Variants in SLC35D2 observed in about 807,000 individuals in gnomAD.
SLC35D2 encodes nucleotide sugar transporter SLC35D2.
SLC35D2 carries 43 observed loss-of-function variants against 41.8 expected under a neutral mutation model. The observed-to-expected ratio is 1.03, with a 90% CI of 0.81 to 1.33. SLC35D2 has a LOEUF of 1.33. Ranked by LOEUF, SLC35D2 falls within the 40% of genes most tolerant of loss-of-function variation. The pLI, the probability that SLC35D2 is intolerant of heterozygous loss-of-function variation, is 0.00. For synonymous variants in SLC35D2, 150 were observed against 163.9 expected (o/e 0.92, Z 0.65); for missense variants, 380 against 408.4 (o/e 0.93, Z 0.60).
chr9:96,321,273 T>C lies in SLC35D2; in HGVS notation c.983A>G (p.Glu328Gly). 6.2e-7 allele frequency: 1 copy of C among 1,614,010 alleles called. No homozygotes were observed. The highest frequency in any genetic ancestry group is 8.5e-7 in the Non-Finnish European group (1 of 1,179,910). Reference protein sequence around the residue: ...SSQLKPKPVGEENICLDLKS With the variant: ...SSQLKPKPVGGENICLDLKS ...CTTCAAATCCAAACAGATGTTTTCT[T>C]CACCCACAGGTTTAGGTTTTAACTG... The change falls in exon 12 of 12, where the codon GAA (glutamate) becomes GGA (glycine). Residue 328 changes from glutamate to glycine, a missense_variant. Coordinates refer to ENST00000253270, the MANE Select transcript of SLC35D2 (RefSeq NM_007001.3).
At chr9:96,352,960 C>T (rs954645931) in intron 4 of SLC35D2, among the ~76,000 whole-genome samples, 7 of 152,036 alleles carry the variant, frequency 4.6e-5, no homozygotes. Flanking sequence ...ATTGCTTGAA[C>T]CCGTGAGGCG....
intron 8 of SLC35D2, 45 bp from the exon 9 acceptor site, chr9:96,336,829 G>T: frequency 1.8e-6 from 2 of 1,137,830 alleles, no homozygotes; most frequent in African/African-American, 1.6e-5. Context: ...TAATAATACT[G>T]CAGTTTAAAT....
At chr9:96,325,678 T>C (rs1321954033) in intron 9 of SLC35D2, among the ~76,000 whole-genome samples, 1 of 152,160 alleles carries the variant, frequency 6.6e-6, no homozygotes, top group East Asian at 1.9e-4. Context: ...TTTCAATTAA[T>C]TAATTAATTA....
At chr9:96,336,259 T>C (rs575535182) in intron 9 of SLC35D2, among the ~76,000 whole-genome samples, 3 of 152,044 alleles carry the variant, frequency 2.0e-5, no homozygotes, top group Non-Finnish European at 4.4e-5. Context: ...AACATATTAC[T>C]GCCAGGCCTG....
chr9:96,383,388 C>T (rs1587736360), intron 1 of SLC35D2, 89 bp downstream of exon 1: 1 of 1,078,922 alleles, frequency 9.3e-7, no homozygotes, highest in Admixed American at 3.1e-5. Flanking sequence ...CTGTCCCCAC[C>T]CGCCCTGTCC....
intron 1 of SLC35D2, among the ~76,000 whole-genome samples, chr9:96,371,068 A>G (rs1476691173): frequency 1.3e-5 from 2 of 152,190 alleles, no homozygotes; most frequent in Non-Finnish European, 2.9e-5. Context: ...GAAAACCACC[A>G]CTATACAGGG....
intron 4 of SLC35D2, among the ~76,000 whole-genome samples, chr9:96,356,917 C>T (rs1830050646): frequency 6.6e-6 from 1 of 151,984 alleles, no homozygotes; most frequent in Admixed American, 6.6e-5. Context: ...CGTGGTGGCT[C>T]ATGCCTGTAA....
At chr9:96,334,592 C>T (rs74503076) in intron 9 of SLC35D2, among the ~76,000 whole-genome samples, 20,140 of 152,002 alleles carry the variant, frequency 0.13, 1,798 homozygotes, top group East Asian at 0.28. Flanking sequence ...GAGCCAAGAT[C>T]GTGCCACTGG....
In SLC35D2 at chr9:96,329,109, T is replaced by C. The variant is rs190240043; in HGVS notation, c.753-4940A>G. ...ATCTCAAAAAAAAAAAAAAAAGACA[T>C]TATTTATGTCTTTTAAAGGACAGAA... is the stretch of plus-strand genomic sequence containing the variant. On this transcript the variant is annotated intron_variant, in intron 9 of 11. Transcript: ENST00000253270. Among the ~76,000 whole-genome samples, 490 of 151,502 alleles carry C rather than the reference T, an allele frequency of 3.2e-3. 1 individual carries two copies. The highest frequency in any genetic ancestry group is 5.3e-3 in the Non-Finnish European group (357 of 67,808).
chr9:96,352,994 C>T (rs1829870110), intron 4 of SLC35D2, among the ~76,000 whole-genome samples: 1 of 152,054 alleles, frequency 6.6e-6, no homozygotes, highest in South Asian at 2.1e-4. Context: ...GCCAGGATCG[C>T]ACCACTGCAA....
In SLC35D2 at chr9:96,383,652, A is replaced by AC. The variant is rs943006054; in HGVS notation, c.-19dup. On this transcript the variant is annotated 5_prime_UTR_variant, in exon 1 of 12. Transcript: ENST00000253270. ...GCCGTCATCTCCTGCGGCCCCGCGGACCCCGCCGCCCGCCAGCCCCGGCTG... is the reference window on the plus strand; with the variant it reads ...GCCGTCATCTCCTGCGGCCCCGCGGACCCCCGCCGCCCGCCAGCCCCGGCTG... 9.7e-7 allele frequency: 1 copy of AC among 1,025,986 alleles called. No individual in the cohort carries two copies. The highest frequency in any genetic ancestry group is 1.7e-5 in the African/African-American group (1 of 57,392). The allele number at this position is 1,025,986 out of a possible 1,614,324, so 63.6% of individuals were successfully genotyped here. A position where few individuals can be genotyped will look rare whatever the true frequency, so the allele number is the denominator to read the frequency against.
At chr9:96,348,151 G>T (rs1393038968) in intron 6 of SLC35D2, among the ~76,000 whole-genome samples, 1 of 152,122 alleles carries the variant, frequency 6.6e-6, no homozygotes, top group Non-Finnish European at 1.5e-5. Flanking sequence ...CCCTCTCTTG[G>T]GGTCTGGATC....
At chr9:96,326,508 A>C (rs1180513938) in intron 9 of SLC35D2, among the ~76,000 whole-genome samples, 1 of 152,168 alleles carries the variant, frequency 6.6e-6, no homozygotes, top group Non-Finnish European at 1.5e-5. Context: ...GGCTTAAGAA[A>C]AAATCTAAGT....
At chr9:96,313,801 GGT>G (rs902106710) in exon 12 of SLC35D2, among the ~76,000 whole-genome samples, 29 of 152,314 alleles carry the variant, frequency 1.9e-4, no homozygotes, top group African/African-American at 6.3e-4. Context: ...GGTAGCCTCT[GGT>G]CTTGTCAGAT....
At chr9:96,334,104 C>A (rs1405198834) in intron 9 of SLC35D2, among the ~76,000 whole-genome samples, 2 of 152,032 alleles carry the variant, frequency 1.3e-5, no homozygotes, top group Non-Finnish European at 2.9e-5. Context: ...AGGCAGCAGT[C>A]CCCAACCTTT....
At chr9:96,355,331 TG>T (rs1829976315) in intron 4 of SLC35D2, among the ~76,000 whole-genome samples, 1 of 151,538 alleles carries the variant, frequency 6.6e-6, no homozygotes, top group Non-Finnish European at 1.5e-5. Context: ...AAAATATATA[TG>T]TTTTTTAAAT....
chr9:96,314,176 G>C (rs186886249), exon 12 of SLC35D2: 1 of 152,306 alleles, frequency 6.6e-6, no homozygotes, highest in African/African-American at 2.4e-5. Context: ...ACTTGAGCCT[G>C]GGAGGCAGTG....
chr9:96,320,469 T>C (rs113929951), downstream of SLC35D2, among the ~76,000 whole-genome samples: 182 of 151,316 alleles, frequency 1.2e-3, no homozygotes, highest in African/African-American at 4.1e-3. Flanking sequence ...TGAGCCGAGA[T>C]TGCACCACTG....
chr9:96,364,673 G>C (rs1830407704), intron 2 of SLC35D2, 123 bp from the exon 3 acceptor site: 1 of 704,254 alleles, frequency 1.4e-6, no homozygotes, highest in Non-Finnish European at 2.5e-6. Context: ...TCATTTTCTA[G>C]GTTCCAGAAA....
Sources: gnomAD v4.1 joint callset for allele counts (sites outside exome capture counted in the v4.1 genomes callset) on GRCh38, gnomAD v4.1.1 for gene constraint, MANE v1.5 for transcripts, NCBI Gene and HGNC (gene_info 2026-07-23, HGNC 2026-07-21) for gene names.